The following PPM1L variants were observed in gnomAD, a reference collection of about 807,000 sequenced individuals.
PPM1L encodes protein phosphatase, Mg2+/Mn2+ dependent 1L.
Under a neutral mutation model 31.4 loss-of-function variants are expected in PPM1L, and 13 were observed. The ratio of observed to expected loss-of-function variants is 0.41; its 90% CI spans 0.27 to 0.66. The LOEUF (loss-of-function observed/expected upper bound fraction) is 0.66. PPM1L is among the 30% of genes least tolerant of loss of function. PPM1L has a pLI of 0.29. For missense variants in PPM1L, 326 were observed against 453.7 expected, an observed-to-expected ratio of 0.72 and a Z score of 2.56; for synonymous variants, 184 against 175.4, an observed-to-expected ratio of 1.05 and a Z score of -0.39.
intron 1 of PPM1L, among the ~76,000 whole-genome samples, chr3:160,907,833 C>T (rs577566948): frequency 2.2e-4 from 34 of 152,222 alleles, no homozygotes; most frequent in Middle Eastern, 3.4e-3. Context: ...GGAATGCAGC[C>T]GCTGCTTGTG....
intron 2 of PPM1L, among the ~76,000 whole-genome samples, chr3:161,032,841 C>T (rs185080515): frequency 2.8e-3 from 418 of 149,796 alleles, no homozygotes; most frequent in Non-Finnish European, 4.9e-3. Flanking sequence ...TACAGATGTG[C>T]ATCACCACGC....
chr3:161,014,323 A>T (rs1363654145), intron 2 of PPM1L, among the ~76,000 whole-genome samples: 1 of 152,188 alleles, frequency 6.6e-6, no homozygotes, highest in Non-Finnish European at 1.5e-5. Flanking sequence ...AGATATTCAA[A>T]TACAATATAT....
At chr3:161,016,885 C>A (rs561996370) in intron 2 of PPM1L, among the ~76,000 whole-genome samples, 4 of 152,122 alleles carry the variant, frequency 2.6e-5, no homozygotes, top group African/African-American at 4.8e-5. Context: ...GCTTGCTCAT[C>A]GACTGGGTAT....
In PPM1L at chr3:161,031,800, C is replaced by T. The variant is rs529767670; in HGVS notation, c.575-33603C>T. ...TACAGGCATGAGCCACCACACCAGA[C>T]GATTCTCTATACCTTAAAGCAGCAA... On this transcript the variant is annotated intron_variant, in intron 2 of 3. Coordinates refer to ENST00000498165, the MANE Select transcript of PPM1L (RefSeq NM_139245.4). Among the ~76,000 whole-genome samples the T allele has an allele frequency of 8.3e-4, 127 of 152,188 alleles. 1 individual carries two copies. Among genetic ancestry groups the T allele is most frequent in the African/African-American group, 2.8e-3 (116 of 41,512 alleles).
intron 1 of PPM1L, among the ~76,000 whole-genome samples, chr3:160,783,025 C>G (rs1409880157): frequency 6.6e-6 from 1 of 152,186 alleles, no homozygotes; most frequent in Non-Finnish European, 1.5e-5. Context: ...TTGCCCTCTT[C>G]ATGGGCCAGT....
At position 161,075,714 on chromosome 3, in the gene PPM1L, G is replaced by C. The variant is rs1040756488; in HGVS notation, c.*6557G>C. The C allele has an allele frequency of 2.0e-5, 3 of 152,134 alleles. No homozygotes were observed. The highest frequency in any genetic ancestry group is 2.9e-5 in the Non-Finnish European group (2 of 68,018). The allele number at this position is 152,134 out of a possible 1,614,324, so 9.4% of individuals were successfully genotyped here. A position where few individuals can be genotyped will look rare whatever the true frequency, so the allele number is the denominator to read the frequency against. On this transcript the variant is annotated 3_prime_UTR_variant, in exon 4 of 4. Coordinates refer to ENST00000498165, the MANE Select transcript of PPM1L (RefSeq NM_139245.4). ...GAAATATTTTAAATTAAGAAAAGGA[G>C]GTGTTATAGTTTATTACATCATGAA...
intron 1 of PPM1L, among the ~76,000 whole-genome samples, chr3:160,914,045 C>A (rs1363036275): frequency 6.6e-6 from 1 of 152,086 alleles, no homozygotes. Context: ...TTTCTTATTC[C>A]TACCAGTAGT....
intron 1 of PPM1L, among the ~76,000 whole-genome samples, chr3:160,889,696 CA>C (rs1389186242): frequency 6.6e-6 from 1 of 151,894 alleles, no homozygotes; most frequent in Admixed American, 6.6e-5. Flanking sequence ...GAAACACACG[CA>C]AAAAAACAAA....
At chr3:160,839,771 C>T (rs1438243399) in intron 1 of PPM1L, among the ~76,000 whole-genome samples, 2 of 152,192 alleles carry the variant, frequency 1.3e-5, no homozygotes, top group Non-Finnish European at 2.9e-5. Context: ...TCTCTTTGGT[C>T]AGCTGACACA....
chr3:160,906,060 C>T lies in PPM1L; in HGVS notation c.400-55676C>T, dbSNP rs555408982. ...TCTTTCTTTCTATTTCCTGCCCTTTCTTAACATTATTATTATTATTTTTTT... is the reference window on the plus strand; with the variant it reads ...TCTTTCTTTCTATTTCCTGCCCTTTTTTAACATTATTATTATTATTTTTTT... On this transcript the variant is annotated intron_variant, in intron 1 of 3. Transcript: ENST00000498165. Among the ~76,000 whole-genome samples the T allele has an allele frequency of 6.4e-4, 97 of 152,024 alleles. 1 individual carries two copies. In the South Asian group the frequency reaches 0.012, roughly 18 times the overall value.
intron 2 of PPM1L, among the ~76,000 whole-genome samples, chr3:161,006,750 T>G (rs1190258721): frequency 6.7e-6 from 1 of 150,002 alleles, no homozygotes; most frequent in Non-Finnish European, 1.5e-5. Flanking sequence ...TGGCGCCATC[T>G]TGGCTTACTG....
At chr3:160,933,256 A>T in intron 1 of PPM1L, among the ~76,000 whole-genome samples, 1 of 152,026 alleles carries the variant, frequency 6.6e-6, no homozygotes, top group East Asian at 1.9e-4. Flanking sequence ...TTATTTTATT[A>T]TAATTTGAAA....
At chr3:160,767,002 G>C (rs1379819705) in intron 1 of PPM1L, among the ~76,000 whole-genome samples, 2 of 152,178 alleles carry the variant, frequency 1.3e-5, no homozygotes, top group Non-Finnish European at 2.9e-5. Context: ...GTGTTACTAG[G>C]TGGAGAGACA....
intron 1 of PPM1L, among the ~76,000 whole-genome samples, chr3:160,935,180 C>T (rs1576724493): frequency 6.6e-6 from 1 of 152,210 alleles, no homozygotes; most frequent in Non-Finnish European, 1.5e-5. Context: ...GCTTGTAGAA[C>T]CAAATATGTA....
intron 1 of PPM1L, among the ~76,000 whole-genome samples, chr3:160,959,497 C>T (rs1198380449): frequency 2.0e-5 from 3 of 151,906 alleles, no homozygotes; most frequent in Admixed American, 6.6e-5. Context: ...TAAAAAATTA[C>T]AATAGTAAGA....
chr3:160,794,184 T>C (rs1218765139), intron 1 of PPM1L, among the ~76,000 whole-genome samples: 1 of 152,202 alleles, frequency 6.6e-6, no homozygotes, highest in Non-Finnish European at 1.5e-5. Context: ...TGTTTTATCA[T>C]AGCCAACTTT....
At chr3:160,872,892 A>G (rs760030414) in intron 1 of PPM1L, among the ~76,000 whole-genome samples, 5 of 151,942 alleles carry the variant, frequency 3.3e-5, no homozygotes, top group Non-Finnish European at 5.9e-5. Context: ...GCGCCACTAC[A>G]CTCCAGCCTG....
chr3:160,951,675 G>C (rs1221415795), intron 1 of PPM1L, among the ~76,000 whole-genome samples: 1 of 152,158 alleles, frequency 6.6e-6, no homozygotes, highest in Non-Finnish European at 1.5e-5. Context: ...GATTGAATAT[G>C]AATTAGATGA....
chr3:160,981,406 G>A, intron 2 of PPM1L, among the ~76,000 whole-genome samples: 1 of 152,130 alleles, frequency 6.6e-6, no homozygotes, highest in East Asian at 1.9e-4. Flanking sequence ...TCTTCATAAG[G>A]CCTCTTGCCA....
Sources: allele counts gnomAD v4.1 joint callset (sites outside exome capture counted in the v4.1 genomes callset), GRCh38; gene constraint gnomAD v4.1.1; transcripts MANE v1.5; gene names NCBI Gene and HGNC (gene_info 2026-07-23, HGNC 2026-07-21).